Variants in CEP162 observed in about 807,000 individuals in gnomAD.
CEP162 encodes the protein centrosomal protein 162, also known as centrosomal protein of 162 kDa.
CEP162 carries 141 observed loss-of-function variants against 169.2 expected under a neutral mutation model. That is an observed-to-expected ratio of 0.83 (90% CI 0.73 to 0.96). The LOEUF is 0.96. Ranked by LOEUF, CEP162 falls within the 40% of genes least tolerant of loss-of-function variation. CEP162 has a pLI of 0.00. For missense variants in CEP162, 1,600 were observed against 1,587.2 expected (o/e 1.01, Z -0.14); for synonymous variants, 540 against 526.4 (o/e 1.03, Z -0.35).
chr6:84,166,667 C>T (rs1384471322), intron 18 of CEP162, among the ~76,000 whole-genome samples: 1 of 152,136 alleles, frequency 6.6e-6, no homozygotes, highest in East Asian at 1.9e-4. Context: ...CCATTCTCCT[C>T]CCAATCCTGG....
intron 5 of CEP162, among the ~76,000 whole-genome samples, chr6:84,214,488 A>AC: frequency 6.6e-6 from 1 of 152,194 alleles, no homozygotes; most frequent in East Asian, 1.9e-4. Flanking sequence ...ACATCATAAA[A>AC]CCGGAAGGCT....
chr6:84,130,870 A>G (rs1265264544), intron 25 of CEP162, among the ~76,000 whole-genome samples: 1 of 151,630 alleles, frequency 6.6e-6, no homozygotes, highest in Non-Finnish European at 1.5e-5. Flanking sequence ...CTCTGCTCTG[A>G]TCTTAGTTAT....
At position 84,200,764 on chromosome 6, in the gene CEP162, C is replaced by T. The variant is rs570904271; in HGVS notation, c.835+25G>A. ...CATAAAGCATTCCATATTTAGAGAA[C>T]AGTCAGGTTTCTAAACATTTTTACC... On this transcript the variant is annotated intron_variant, in intron 9 of 26. Coordinates refer to ENST00000403245, the MANE Select transcript of CEP162 (RefSeq NM_014895.4). 1,056 of 1,142,820 alleles carry T rather than the reference C, an allele frequency of 9.2e-4. 12 individuals carry two copies. The South Asian group carries it at 0.012, about 14-fold the overall frequency. The allele number at this position is 1,142,820 out of a possible 1,614,324, so 70.8% of individuals were successfully genotyped here.
intron 2 of CEP162, among the ~76,000 whole-genome samples, chr6:84,224,016 T>C (rs1233997391): frequency 1.3e-5 from 2 of 152,022 alleles, no homozygotes; most frequent in East Asian, 3.9e-4. Context: ...TACCATATGA[T>C]ACAGCAATTT....
chr6:84,136,436 T>C (rs567797076), intron 25 of CEP162, among the ~76,000 whole-genome samples: 1 of 152,332 alleles, frequency 6.6e-6, no homozygotes, highest in East Asian at 1.9e-4. Context: ...TCTTCTATCA[T>C]GAGCCCACTC....
intron 16 of CEP162, among the ~76,000 whole-genome samples, chr6:84,173,138 T>C (rs1166331938): frequency 6.6e-6 from 1 of 152,120 alleles, no homozygotes; most frequent in Non-Finnish European, 1.5e-5. Flanking sequence ...TACAGGAAAC[T>C]AAGAAAAGAT....
intron 21 of CEP162, among the ~76,000 whole-genome samples, chr6:84,159,549 T>G (rs2476910): frequency 1.0e-4 from 1 of 9,970 alleles, no homozygotes; most frequent in Non-Finnish European, 1.7e-4. Flanking sequence ...ATATATATAT[T>G]TTTTTTTTTT....
chr6:84,220,952 T>C (rs553299597), intron 3 of CEP162, 105 bp downstream of exon 3: 1 of 586,624 alleles, frequency 1.7e-6, no homozygotes, highest in South Asian at 2.4e-5. Flanking sequence ...TCCACACTAT[T>C]AGTATTATTT....
intron 13 of CEP162, among the ~76,000 whole-genome samples, chr6:84,184,619 T>C (rs140426747): frequency 3.9e-5 from 6 of 152,242 alleles, no homozygotes; most frequent in African/African-American, 1.4e-4. Context: ...CCTCACTCTG[T>C]TTCCTTTGCA....
Position 84,124,848 on chromosome 6 carries a change from A to G in CEP162, c.*222T>C. ...CTCTGCTATAAAGGAAACTGTCCAT[A>G]AATCACTTAAAATGAGACTGGTTAA... On this transcript the variant is annotated 3_prime_UTR_variant, in exon 27 of 27. Coordinates refer to ENST00000403245, the MANE Select transcript of CEP162 (RefSeq NM_014895.4). The G allele has an allele frequency of 3.7e-6, 2 of 542,504 alleles. No homozygotes were observed. Among genetic ancestry groups the G allele is most frequent in the South Asian group, 5.0e-5 (2 of 40,078 alleles). The allele number at this position is 542,504 out of a possible 1,614,324, so 33.6% of individuals were successfully genotyped here. A position where few individuals can be genotyped will look rare whatever the true frequency, so the allele number is the denominator to read the frequency against.
chr6:84,222,160 T>G (rs17790948), intron 2 of CEP162, among the ~76,000 whole-genome samples: 5,754 of 152,270 alleles, frequency 0.038, 168 homozygotes, highest in Admixed American at 0.091. Flanking sequence ...TAACCCCTTA[T>G]AATCTGGTTC....
intron 13 of CEP162, among the ~76,000 whole-genome samples, chr6:84,175,633 A>G (rs1588797613): frequency 6.6e-6 from 1 of 152,222 alleles, no homozygotes; most frequent in East Asian, 1.9e-4. Flanking sequence ...TGTGGATAGA[A>G]ATAACTTTCA....
intron 14 of CEP162, 89 bp from the exon 15 acceptor site, chr6:84,175,043 A>G (rs931942471): frequency 1.1e-5 from 11 of 961,120 alleles, no homozygotes; most frequent in Non-Finnish European, 1.7e-5. Context: ...TAAAAAGGAC[A>G]TGGTTAATAA....
chr6:84,215,516 A>G, intron 4 of CEP162, 51 bp from the exon 5 acceptor site: 1 of 1,358,470 alleles, frequency 7.4e-7, no homozygotes, highest in African/African-American at 1.5e-5. Context: ...TTTTGAAAAC[A>G]TTGATTTGAA....
intron 25 of CEP162, among the ~76,000 whole-genome samples, chr6:84,128,666 A>C (rs564926008): frequency 6.6e-6 from 1 of 152,044 alleles, no homozygotes; most frequent in Non-Finnish European, 1.5e-5. Flanking sequence ...TATATAAAAC[A>C]CTTTGCACAG....
intron 26 of CEP162, among the ~76,000 whole-genome samples, chr6:84,125,903 A>C (rs988137906): frequency 6.6e-6 from 1 of 152,194 alleles, no homozygotes; most frequent in Non-Finnish European, 1.5e-5. Context: ...AAATTTCAGC[A>C]CCAAGGCAAG....
At position 84,126,364 on chromosome 6, in the gene CEP162, G is replaced by A. The variant is rs1450973077; in HGVS notation, c.4005+14C>T. On this transcript the variant is annotated intron_variant, in intron 26 of 26. Coordinates refer to ENST00000403245, the MANE Select transcript of CEP162 (RefSeq NM_014895.4). ...TAAAGACCTATATAAATATGTAAAT[G>A]TGATTTACTTTACCTGTTGAAGTTC... The A allele has an allele frequency of 1.3e-6, 2 of 1,560,564 alleles. No homozygotes were observed. Among genetic ancestry groups the A allele is most frequent in the Non-Finnish European group, 1.7e-6 (2 of 1,156,730 alleles).
At chr6:84,198,115 A>G (rs1429185683) in intron 9 of CEP162, among the ~76,000 whole-genome samples, 2 of 152,200 alleles carry the variant, frequency 1.3e-5, no homozygotes, top group Admixed American at 6.5e-5. Context: ...GACAATGTTT[A>G]AAGTTAGCCA....
intron 7 of CEP162, among the ~76,000 whole-genome samples, chr6:84,202,182 C>G (rs2099544797): frequency 1.3e-5 from 2 of 152,142 alleles, no homozygotes; most frequent in African/African-American, 4.8e-5. Context: ...ATGACTAAAT[C>G]TTGTACTCAT....
Sources: gnomAD v4.1 joint callset for allele counts (sites outside exome capture counted in the v4.1 genomes callset) on GRCh38, gnomAD v4.1.1 for gene constraint, MANE v1.5 for transcripts, NCBI Gene and HGNC (gene_info 2026-07-23, HGNC 2026-07-21) for gene names.